FMO3: variants seen among roughly 807,000 people sequenced by gnomAD.
FMO3 encodes the protein flavin containing dimethylaniline monoxygenase 3.
Under a neutral mutation model 39.4 loss-of-function variants are expected in FMO3, and 40 were observed. The observed-to-expected ratio is 1.02, with a 90% CI of 0.79 to 1.32. The LOEUF is 1.32. FMO3 is among the 40% of genes most tolerant of loss of function. The probability of loss-of-function intolerance (pLI) is 0.00; values close to 1 mark genes in which losing one functional copy is unlikely to be tolerated. For missense variants in FMO3, 680 were observed against 651.8 expected, an observed-to-expected ratio of 1.04 and a Z score of -0.47; for synonymous variants, 219 against 228.8, an observed-to-expected ratio of 0.96 and a Z score of 0.39.
intron 4 of FMO3, 78 bp from the exon 5 acceptor site, chr1:171,108,000 AT>A: frequency 6.7e-7 from 1 of 1,498,402 alleles, no homozygotes; most frequent in East Asian, 2.3e-5. Context: ...GACTGCATCT[AT>A]TCACAAGGTC....
chr1:171,101,745 G>T (rs892886179), intron 2 of FMO3: 2 of 517,990 alleles, frequency 3.9e-6, no homozygotes, highest in African/African-American at 1.9e-5. Flanking sequence ...ATTTCACCCA[G>T]ATCTGCGGCC....
At chr1:171,105,383 A>G (rs1557940200) in intron 3 of FMO3, among the ~76,000 whole-genome samples, 1 of 152,224 alleles carries the variant, frequency 6.6e-6, no homozygotes, top group Non-Finnish European at 1.5e-5. Context: ...AAATCCTTCA[A>G]AAATGAATCC....
chr1:171,105,653 CTTGA>C (rs1192408478), intron 3 of FMO3, among the ~76,000 whole-genome samples: 1 of 151,904 alleles, frequency 6.6e-6, no homozygotes, highest in Non-Finnish European at 1.5e-5. Context: ...GATTAACTGT[CTTGA>C]TTGAGTTTGG....
intron 2 of FMO3, among the ~76,000 whole-genome samples, chr1:171,095,589 A>G (rs1256883407): frequency 6.6e-6 from 1 of 151,118 alleles, no homozygotes; most frequent in East Asian, 1.9e-4. Context: ...AAAAGGTTGT[A>G]TTTAATGAAA....
Position 171,114,146 on chromosome 1 carries a change from G to T in FMO3, c.967G>T (p.Asp323Tyr). 1 of 1,614,020 alleles carries T rather than the reference G, an allele frequency of 6.2e-7. No homozygotes were observed. The highest frequency in any genetic ancestry group is 1.1e-5 in the South Asian group (1 of 91,070). Reference sequence around the variant, plus strand: ...GGATGGGACCATATTTGAGGGCATTGACTGTGTAATCTTTGCAACAGGGTA... The same window carrying T: ...GGATGGGACCATATTTGAGGGCATTTACTGTGTAATCTTTGCAACAGGGTA... ...FEDGTIFEGI[D>Y]CVIFATGYSF... The change falls in exon 7 of 9, where the codon GAC becomes TAC. Residue 323 changes from aspartate to tyrosine, a missense_variant. By Grantham distance (160) the Asp-to-Tyr change is radical. Coordinates refer to ENST00000367755, the MANE Select transcript of FMO3 (RefSeq NM_001002294.3).
intron 6 of FMO3, among the ~76,000 whole-genome samples, chr1:171,113,177 C>T (rs1226706292): frequency 6.6e-6 from 1 of 152,196 alleles, no homozygotes. Context: ...AACACTCTTT[C>T]CTTCAACTGT....
At chr1:171,116,823 T>TAA (rs1457886687) in intron 8 of FMO3, among the ~76,000 whole-genome samples, 1 of 152,200 alleles carries the variant, frequency 6.6e-6, no homozygotes, top group Non-Finnish European at 1.5e-5. Flanking sequence ...TAAATAAGGA[T>TAA]AAAAAATGTC....
At chr1:171,096,056 A>AT (rs1557933181) in intron 2 of FMO3, among the ~76,000 whole-genome samples, 1 of 54,838 alleles carries the variant, frequency 1.8e-5, no homozygotes, top group Non-Finnish European at 2.6e-5. Flanking sequence ...ATAAATATAT[A>AT]ATATATATTA....
intron 2 of FMO3, among the ~76,000 whole-genome samples, chr1:171,095,236 T>C (rs1654899134): frequency 6.6e-6 from 1 of 152,188 alleles, no homozygotes; most frequent in Non-Finnish European, 1.5e-5. Context: ...ATTTTAAAGT[T>C]TCAGGTGCTG....
At chr1:171,115,377 A>T (rs1466239697) in intron 7 of FMO3, among the ~76,000 whole-genome samples, 1 of 151,988 alleles carries the variant, frequency 6.6e-6, no homozygotes, top group Non-Finnish European at 1.5e-5. Context: ...GGCAGGCTAA[A>T]AAACAGTCTC....
At chr1:171,096,192 T>A (rs1444826105) in intron 2 of FMO3, among the ~76,000 whole-genome samples, 1 of 89,586 alleles carries the variant, frequency 1.1e-5, no homozygotes, top group East Asian at 3.4e-4. Flanking sequence ...TATTAATATA[T>A]ATTTATATCA....
chr1:171,096,167 TA>T (rs1655026510), intron 2 of FMO3, among the ~76,000 whole-genome samples: 1 of 73,674 alleles, frequency 1.4e-5, no homozygotes, highest in South Asian at 5.5e-4. Context: ...ATAATATATA[TA>T]ATTATATATA....
intron 1 of FMO3, among the ~76,000 whole-genome samples, chr1:171,091,600 C>CCAA (rs1654711456): frequency 7.2e-6 from 1 of 138,068 alleles, no homozygotes; most frequent in African/African-American, 2.8e-5. Flanking sequence ...TTCCCCAACA[C>CCAA]CCCCCGGAGA....
chr1:171,117,493 G>A lies in FMO3; in HGVS notation c.*51G>A, dbSNP rs1656218458. The A allele has an allele frequency of 6.8e-7, 1 of 1,475,206 alleles. No homozygotes were observed. The highest frequency in any genetic ancestry group is 1.4e-5 in the African/African-American group (1 of 70,932). 91.4% of individuals were successfully genotyped at this position (1,475,206 alleles called of 1,614,324 possible). ...AAGTTACTGACAATACCCAGACAGGGGCTTTGCTATTTAAAAATTAAAATT... is the reference window on the plus strand; with the variant it reads ...AAGTTACTGACAATACCCAGACAGGAGCTTTGCTATTTAAAAATTAAAATT... On this transcript the variant is annotated 3_prime_UTR_variant, in exon 9 of 9. Coordinates refer to ENST00000367755, the MANE Select transcript of FMO3 (RefSeq NM_001002294.3).
At chr1:171,110,724 G>C in intron 5 of FMO3, 74 bp from the exon 6 acceptor site, 1 of 1,333,072 alleles carries the variant, frequency 7.5e-7, no homozygotes, top group Non-Finnish European at 1.1e-6. Flanking sequence ...TTCCTCAAGA[G>C]GGATCTGGGG....
intron 2 of FMO3, among the ~76,000 whole-genome samples, chr1:171,094,247 C>A (rs1048333070): frequency 3.9e-5 from 6 of 152,156 alleles, no homozygotes; most frequent in East Asian, 1.9e-4. Context: ...TGTTTATTGG[C>A]CATTGGTATG....
At chr1:171,115,367 G>A (rs1055212714) in intron 7 of FMO3, among the ~76,000 whole-genome samples, 6 of 152,032 alleles carry the variant, frequency 3.9e-5, no homozygotes, top group Admixed American at 6.6e-5. Flanking sequence ...GGCAGTAGTC[G>A]GCAGGCTAAA....
chr1:171,111,093 C>A (rs753057893), intron 6 of FMO3, 96 bp downstream of exon 6: 1 of 932,860 alleles, frequency 1.1e-6, no homozygotes, highest in Non-Finnish European at 1.8e-6. Context: ...AAAGTATTAG[C>A]AATCACAACT....
Position 171,114,219 on chromosome 1 carries a change from A to G in FMO3, c.1040A>G (p.Asn347Ser), listed in dbSNP as rs1571226161. Reference protein sequence around the residue: ...FLDESIIKSRNNEIILFKGVF... With the variant: ...FLDESIIKSRSNEIILFKGVF... ...GATGAGTCTATCATCAAAAGCAGAA[A>G]CAATGAGATCATTTTATTTAAAGGA... Residue 347 changes from asparagine to serine, a missense_variant, in exon 7 of 9, where the codon AAC becomes AGC. Physicochemically the swap from Asn to Ser is conservative, Grantham distance 46. Transcript: ENST00000367755. 6.2e-7 allele frequency: 1 copy of G among 1,614,050 alleles called. No homozygotes were observed.
Sources: gnomAD v4.1 joint callset for allele counts (sites outside exome capture counted in the v4.1 genomes callset) on GRCh38, gnomAD v4.1.1 for gene constraint, MANE v1.5 for transcripts, NCBI Gene and HGNC (gene_info 2026-07-23, HGNC 2026-07-21) for gene names.